ADD3: variants seen among roughly 807,000 people sequenced by gnomAD.
ADD3 encodes adducin 3.
ADD3 carries 25 observed loss-of-function variants against 80.2 expected under a neutral mutation model. The observed-to-expected ratio is 0.31, with a 90% CI of 0.23 to 0.44. ADD3 has a LOEUF of 0.44. Among genes scored for constraint, ADD3 ranks in the 20% least tolerant of loss-of-function variants. ADD3 has a pLI of 1.00. For synonymous variants in ADD3, 284 were observed against 289.6 expected (o/e 0.98, Z 0.20); for missense variants, 829 against 847.5 (o/e 0.98, Z 0.27).
intron 1 of ADD3, among the ~76,000 whole-genome samples, chr10:110,086,599 T>C (rs1846792405): frequency 6.6e-6 from 1 of 152,142 alleles, no homozygotes; most frequent in African/African-American, 2.4e-5. Context: ...TCACAAGATC[T>C]TGTTGGTTAA....
chr10:110,104,767 C>A (rs1032083703), intron 2 of ADD3, among the ~76,000 whole-genome samples: 2 of 152,144 alleles, frequency 1.3e-5, no homozygotes, highest in African/African-American at 2.4e-5. Context: ...ATCCTCAAAG[C>A]AATTCAGTTA....
At chr10:110,099,483 T>A (rs1848559931) in intron 1 of ADD3, among the ~76,000 whole-genome samples, 1 of 152,192 alleles carries the variant, frequency 6.6e-6, no homozygotes, top group Non-Finnish European at 1.5e-5. Flanking sequence ...CATTAGTGGA[T>A]CATCAATCAA....
intron 1 of ADD3, among the ~76,000 whole-genome samples, chr10:110,067,675 C>T (rs928129657): frequency 6.6e-6 from 1 of 152,150 alleles, no homozygotes; most frequent in African/African-American, 2.4e-5. Context: ...TGTCAGTGTA[C>T]TTTATGGGGA....
At chr10:110,027,094 C>G (rs541130702) in intron 1 of ADD3, among the ~76,000 whole-genome samples, 40 of 152,132 alleles carry the variant, frequency 2.6e-4, no homozygotes, top group African/African-American at 9.2e-4. Context: ...TATATGAAAC[C>G]AAAAATTGGA....
At chr10:110,047,386 T>G (rs559263502) in intron 1 of ADD3, among the ~76,000 whole-genome samples, 1 of 151,200 alleles carries the variant, frequency 6.6e-6, no homozygotes, top group South Asian at 2.1e-4. Context: ...GTCACTTGGC[T>G]CTCTCAGCCT....
chr10:110,080,405 A>T (rs1845935388), intron 1 of ADD3, among the ~76,000 whole-genome samples: 1 of 152,232 alleles, frequency 6.6e-6, no homozygotes, highest in Non-Finnish European at 1.5e-5. Flanking sequence ...CTCATATTTA[A>T]ATTAAAAACA....
intron 1 of ADD3, among the ~76,000 whole-genome samples, chr10:110,036,240 G>T (rs964305826): frequency 2.0e-5 from 3 of 152,074 alleles, no homozygotes; most frequent in Admixed American, 2.0e-4. Flanking sequence ...TTCATCTATA[G>T]TGAGGCAGCA....
At chr10:110,091,699 T>G (rs999306666) in intron 1 of ADD3, among the ~76,000 whole-genome samples, 2 of 152,056 alleles carry the variant, frequency 1.3e-5, no homozygotes, top group Admixed American at 1.3e-4. Flanking sequence ...AAACCTGGAT[T>G]TCACGATGAA....
chr10:110,111,924 GA>G (rs780824194), intron 2 of ADD3, among the ~76,000 whole-genome samples: 17 of 149,094 alleles, frequency 1.1e-4, no homozygotes, highest in East Asian at 5.9e-4. Flanking sequence ...AAAAAAAAAA[GA>G]AAAAAAAATT....
chr10:110,059,662 G>C (rs189428596), intron 1 of ADD3, among the ~76,000 whole-genome samples: 2 of 151,184 alleles, frequency 1.3e-5, no homozygotes, highest in Non-Finnish European at 3.0e-5. Flanking sequence ...CCAGCTACTC[G>C]GGAGGCTGAG....
At chr10:110,118,522 A>G in intron 5 of ADD3, 65 bp from the exon 6 acceptor site, 1 of 1,445,044 alleles carries the variant, frequency 6.9e-7, no homozygotes, top group Non-Finnish European at 9.7e-7. Context: ...CCCCTGGTTT[A>G]GCTTGTGAAA....
chr10:110,127,201 G>A (rs1270654429), intron 12 of ADD3, among the ~76,000 whole-genome samples: 2 of 151,944 alleles, frequency 1.3e-5, no homozygotes, highest in Non-Finnish European at 2.9e-5. Context: ...CATGTTTGCT[G>A]CTAAGCCAGG....
intron 1 of ADD3, among the ~76,000 whole-genome samples, chr10:110,077,571 T>G (rs900271932): frequency 1.2e-4 from 18 of 152,198 alleles, no homozygotes; most frequent in Non-Finnish European, 7.3e-5. Flanking sequence ...AAAGAGCCTT[T>G]TATTTCTGTC....
In ADD3 at chr10:110,133,591, CAAAA is replaced by C. The variant is rs760140619; in HGVS notation, c.2099_2102del (p.Lys700ArgfsTer8). 1.9e-6 allele frequency: 3 copies of C among 1,579,152 alleles called. No homozygotes were observed. The highest frequency in any genetic ancestry group is 2.6e-6 in the Non-Finnish European group (3 of 1,167,646). On this transcript the variant is annotated frameshift_variant, in exon 15 of 15. Transcript: ENST00000356080. LOFTEE classifies it high-confidence loss of function. Reference sequence around the variant, plus strand: ...GCACTCCTTCTTTTCTGAAAAAGAACAAAAAAAAGGAGAAAGTTGAGGCCTAAAT... The same window carrying C: ...GCACTCCTTCTTTTCTGAAAAAGAACAAAAGGAGAAAGTTGAGGCCTAAAT...
chr10:110,033,775 C>T (rs1185966185), intron 1 of ADD3, among the ~76,000 whole-genome samples: 1 of 152,152 alleles, frequency 6.6e-6, no homozygotes, highest in Non-Finnish European at 1.5e-5. Context: ...TTGTGCTATA[C>T]TCAGCTGCCT....
chr10:110,059,252 A>G (rs1858579744), intron 1 of ADD3, among the ~76,000 whole-genome samples: 1 of 152,150 alleles, frequency 6.6e-6, no homozygotes. Context: ...CAGTTGAATC[A>G]CTTGAAGTCA....
At chr10:110,039,191 C>A (rs959290459) in intron 1 of ADD3, among the ~76,000 whole-genome samples, 5 of 152,172 alleles carry the variant, frequency 3.3e-5, no homozygotes, top group African/African-American at 1.2e-4. Context: ...AACTCTTCTC[C>A]TTCCAGAGTA....
At chr10:110,047,767 A>G (rs891780728) in intron 1 of ADD3, among the ~76,000 whole-genome samples, 1 of 152,208 alleles carries the variant, frequency 6.6e-6, no homozygotes, top group African/African-American at 2.4e-5. Flanking sequence ...TAAATTCTAG[A>G]GAATTATCTG....
chr10:110,062,213 A>G (rs1858998079), intron 1 of ADD3, among the ~76,000 whole-genome samples: 1 of 141,920 alleles, frequency 7.0e-6, no homozygotes, highest in Non-Finnish European at 1.5e-5. Context: ...AAAAAAAAAA[A>G]AAAAAAAAAA....
Sources: allele counts gnomAD v4.1 joint callset (sites outside exome capture counted in the v4.1 genomes callset), GRCh38; gene constraint gnomAD v4.1.1; transcripts MANE v1.5; gene names NCBI Gene and HGNC (gene_info 2026-07-23, HGNC 2026-07-21).